The following MAP4K3 variants were observed in gnomAD, a reference collection of about 807,000 sequenced individuals.
MAP4K3 encodes mitogen-activated protein kinase kinase kinase kinase 3.
In MAP4K3, 94 loss-of-function variants were observed where a neutral mutation model predicts 143.5. The observed-to-expected ratio is 0.65, with a 90% CI of 0.55 to 0.78. The LOEUF (loss-of-function observed/expected upper bound fraction) is 0.78. Among genes scored for constraint, MAP4K3 ranks in the 30% least tolerant of loss-of-function variants. The probability of loss-of-function intolerance (pLI) is 0.00; values close to 1 mark genes in which losing one functional copy is unlikely to be tolerated. For missense variants in MAP4K3, 1,077 were observed against 1,068.1 expected (o/e 1.01, Z -0.12); for synonymous variants, 416 against 347.2 (o/e 1.20, Z -2.20).
At chr2:39,325,664 T>C in intron 11 of MAP4K3, 36 bp from the exon 12 acceptor site, 1 of 1,569,504 alleles carries the variant, frequency 6.4e-7, no homozygotes. Context: ...ACACTTACTA[T>C]AAATCTGATT....
At chr2:39,267,508 TA>T (rs1248251169) in intron 26 of MAP4K3, 3 of 323,668 alleles carry the variant, frequency 9.3e-6, no homozygotes, top group Non-Finnish European at 1.8e-5. Flanking sequence ...CCGTCTCTAC[TA>T]AAAATACAAA....
At chr2:39,349,119 T>C (rs573429629) in intron 3 of MAP4K3, among the ~76,000 whole-genome samples, 11 of 152,336 alleles carry the variant, frequency 7.2e-5, no homozygotes, top group African/African-American at 2.6e-4. Flanking sequence ...TGTGAGTTGT[T>C]GTCTTGCTGA....
intron 4 of MAP4K3, among the ~76,000 whole-genome samples, chr2:39,342,565 G>A (rs1665174563): frequency 6.6e-6 from 1 of 152,100 alleles, no homozygotes; most frequent in African/African-American, 2.4e-5. Flanking sequence ...TGTAATCCCA[G>A]TAAAATACTA....
intron 23 of MAP4K3, among the ~76,000 whole-genome samples, 181 bp downstream of exon 23, chr2:39,280,091 G>A (rs1681451390): frequency 6.6e-6 from 1 of 152,048 alleles, no homozygotes; most frequent in African/African-American, 2.4e-5. Context: ...TTAATGTTAT[G>A]TGTCACCTCA....
intron 24 of MAP4K3, among the ~76,000 whole-genome samples, chr2:39,272,972 T>TTCCTGTGTTCCAC (rs1681093630): frequency 6.6e-6 from 1 of 151,860 alleles, no homozygotes; most frequent in East Asian, 1.9e-4. Flanking sequence ...CATCATGGTG[T>TTCCTGTGTTCCAC]AGTGGAACAC....
At chr2:39,406,233 C>A (rs1266198946) in intron 1 of MAP4K3, among the ~76,000 whole-genome samples, 1 of 152,018 alleles carries the variant, frequency 6.6e-6, no homozygotes, top group Non-Finnish European at 1.5e-5. Context: ...TCTGCAAGAT[C>A]TAGAAAAAAG....
chr2:39,255,536 G>C (rs1438091075), intron 31 of MAP4K3, among the ~76,000 whole-genome samples: 1 of 152,024 alleles, frequency 6.6e-6, no homozygotes, highest in Non-Finnish European at 1.5e-5. Flanking sequence ...CTTTTCTTCT[G>C]TCTCACTCTT....
chr2:39,311,126 G>A (rs979494781), intron 13 of MAP4K3, among the ~76,000 whole-genome samples: 2 of 152,168 alleles, frequency 1.3e-5, no homozygotes, highest in African/African-American at 4.8e-5. Context: ...TGCCCAGGCT[G>A]GAGTGTAATG....
chr2:39,284,593 C>A (rs1681682505), intron 21 of MAP4K3, among the ~76,000 whole-genome samples: 1 of 151,950 alleles, frequency 6.6e-6, no homozygotes. Flanking sequence ...CGCCTGTAAT[C>A]CCAGCACTTT....
intron 1 of MAP4K3, among the ~76,000 whole-genome samples, chr2:39,421,275 C>T (rs1399009542): frequency 6.6e-6 from 1 of 152,062 alleles, no homozygotes; most frequent in Non-Finnish European, 1.5e-5. Flanking sequence ...CAGAACAACA[C>T]AGTGACTACA....
intron 24 of MAP4K3, among the ~76,000 whole-genome samples, chr2:39,274,342 G>A (rs369807694): frequency 4.0e-5 from 6 of 151,082 alleles, no homozygotes; most frequent in South Asian, 4.2e-4. Flanking sequence ...TCAGCCTCCC[G>A]AGTAGCTGGG....
intron 2 of MAP4K3, among the ~76,000 whole-genome samples, chr2:39,368,511 A>C (rs1440518771): frequency 1.3e-5 from 2 of 151,904 alleles, no homozygotes; most frequent in Non-Finnish European, 1.5e-5. Flanking sequence ...TACAAAAAAA[A>C]CTAAAAAATT....
intron 3 of MAP4K3, 91 bp from the exon 4 acceptor site, chr2:39,343,543 C>T: frequency 1.1e-6 from 1 of 940,940 alleles, no homozygotes; most frequent in Non-Finnish European, 1.7e-6. Context: ...AGCTGTAACA[C>T]TGAAAAACAA....
intron 2 of MAP4K3, among the ~76,000 whole-genome samples, chr2:39,371,340 G>A (rs1489537227): frequency 6.6e-6 from 1 of 152,124 alleles, no homozygotes; most frequent in African/African-American, 2.4e-5. Flanking sequence ...GTCCTTATAA[G>A]CAACAAAGTT....
At chr2:39,424,542 G>C (rs1013308331) in intron 1 of MAP4K3, among the ~76,000 whole-genome samples, 29 of 152,000 alleles carry the variant, frequency 1.9e-4, no homozygotes, top group African/African-American at 7.0e-4. Context: ...TTTTAAAAAA[G>C]GGTTAGGCCA....
intron 2 of MAP4K3, among the ~76,000 whole-genome samples, chr2:39,364,994 C>G (rs890001517): frequency 6.6e-6 from 1 of 152,112 alleles, no homozygotes; most frequent in African/African-American, 2.4e-5. Flanking sequence ...TAATTCTCTC[C>G]TGGATCAGGA....
chr2:39,408,795 G>A (rs1042390362), intron 1 of MAP4K3, among the ~76,000 whole-genome samples: 1 of 152,158 alleles, frequency 6.6e-6, no homozygotes, highest in African/African-American at 2.4e-5. Context: ...AGACGATGAG[G>A]AAGAAGACAA....
In MAP4K3 at chr2:39,258,605, T is replaced by G. The variant is rs750861932; in HGVS notation, c.2309-18A>C. ...TGGGGTATCTACAATACAAACAAATTTTGGTAAACCTACAGAAACTGTGAT... is the reference window on the plus strand; with the variant it reads ...TGGGGTATCTACAATACAAACAAATGTTGGTAAACCTACAGAAACTGTGAT... On this transcript the variant is annotated intron_variant, in intron 29 of 33. Coordinates refer to ENST00000263881, the MANE Select transcript of MAP4K3 (RefSeq NM_003618.4). The G allele has an allele frequency of 5.7e-6, 9 of 1,587,038 alleles. No individual in the cohort carries two copies. The highest frequency in any genetic ancestry group is 7.8e-6 in the Non-Finnish European group (9 of 1,156,264).
intron 5 of MAP4K3, among the ~76,000 whole-genome samples, 177 bp downstream of exon 5, chr2:39,337,349 G>C (rs188642818): frequency 6.6e-6 from 1 of 152,080 alleles, no homozygotes; most frequent in Non-Finnish European, 1.5e-5. Context: ...ATGCTTTAAA[G>C]TATTTATTTG....
Sources: gnomAD v4.1 joint callset for allele counts (sites outside exome capture counted in the v4.1 genomes callset) on GRCh38, gnomAD v4.1.1 for gene constraint, MANE v1.5 for transcripts, NCBI Gene and HGNC (gene_info 2026-07-23, HGNC 2026-07-21) for gene names.